Variants in ZNF398 observed in about 807,000 individuals in gnomAD.
ZNF398 encodes the protein zinc finger protein 398, also known as zinc finger DNA binding protein ZER6.
Under a neutral mutation model 41.9 loss-of-function variants are expected in ZNF398, and 18 were observed. That is an observed-to-expected ratio of 0.43 (90% confidence interval 0.30 to 0.64). The LOEUF (loss-of-function observed/expected upper bound fraction) is 0.64, where lower values mean the gene tolerates loss of function less well. Among genes scored for constraint, ZNF398 ranks in the 30% least tolerant of loss-of-function variants. The pLI is 0.14. For synonymous variants in ZNF398, 260 were observed against 308.8 expected (o/e 0.84, Z 1.66); for missense variants, 669 against 822.8 (o/e 0.81, Z 2.29).
At chr7:149,156,375 T>C (rs1794979898) in intron 2 of ZNF398, among the ~76,000 whole-genome samples, 1 of 148,972 alleles carries the variant, frequency 6.7e-6, no homozygotes, top group Non-Finnish European at 1.5e-5. Context: ...AGCGTGGTGG[T>C]GGGCACCTGT....
intron 4 of ZNF398, among the ~76,000 whole-genome samples, chr7:149,172,449 T>C (rs1795366067): frequency 2.0e-5 from 3 of 150,072 alleles, no homozygotes; most frequent in African/African-American, 4.9e-5. Context: ...TACCCCGCGC[T>C]CCCCCCCTTT....
At chr7:149,155,729 TA>T (rs1563159614) in intron 2 of ZNF398, among the ~76,000 whole-genome samples, 2,499 of 72,768 alleles carry the variant, frequency 0.034, 54 homozygotes, top group African/African-American at 0.082. Context: ...TTTTTTTTTT[TA>T]ATTTTTTTTT....
chr7:149,141,741 A>C (rs1326899183), intron 2 of ZNF398, among the ~76,000 whole-genome samples: 3 of 152,064 alleles, frequency 2.0e-5, no homozygotes, highest in Non-Finnish European at 4.4e-5. Context: ...GGCATGAGCC[A>C]CTGTGCCCGG....
intron 2 of ZNF398, 135 bp from the exon 3 acceptor site, chr7:149,166,023 A>T: frequency 9.8e-7 from 1 of 1,024,674 alleles, no homozygotes; most frequent in Non-Finnish European, 1.4e-6. Flanking sequence ...AAAAGAAACC[A>T]TTTCAGAGAT....
chr7:149,137,859 C>T (rs1220833318), intron 2 of ZNF398, among the ~76,000 whole-genome samples: 4 of 152,058 alleles, frequency 2.6e-5, no homozygotes, highest in African/African-American at 7.2e-5. Context: ...ATAAATAAGT[C>T]GGAAGCATCC....
In ZNF398 at chr7:149,154,372, A is replaced by G. The variant is rs754705381; in HGVS notation, c.420+32A>G. On this transcript the variant is annotated intron_variant, in intron 2 of 5. Coordinates refer to ENST00000475153, the MANE Select transcript of ZNF398 (RefSeq NM_170686.3). Reference sequence around the variant, plus strand: ...CCTTCATTTCTAGATGTAAAGTGGTACCACTAGAACTTACATTAGTAGTAG... The same window carrying G: ...CCTTCATTTCTAGATGTAAAGTGGTGCCACTAGAACTTACATTAGTAGTAG... The G allele has an allele frequency of 1.9e-6, 3 of 1,551,410 alleles. No homozygotes were observed. In the South Asian group the frequency reaches 3.7e-5, roughly 19 times the overall value.
At chr7:149,170,212 T>C (rs577965444) in intron 4 of ZNF398, among the ~76,000 whole-genome samples, 1 of 152,300 alleles carries the variant, frequency 6.6e-6, no homozygotes, top group South Asian at 2.1e-4. Flanking sequence ...TTCTGAGAAA[T>C]GCATCATTAG....
chr7:149,179,051 C>T lies in ZNF398; in HGVS notation c.1179C>T (p.Ala393=), dbSNP rs1795532406. The change falls in exon 6 of 6, where the codon GCC becomes GCT. Residue 393 remains alanine (A), a synonymous_variant. Coordinates refer to ENST00000475153, the MANE Select transcript of ZNF398 (RefSeq NM_170686.3). The surrounding 1 kb of genome is among the most constrained non-coding windows in gnomAD (Gnocchi z 6.1). ...TCAGCAGCACCTCCCAGGACCATGC[C>T]AGCGAGACACCCCCCACCTGCCCAC... The part of the protein sequence containing the change: ...ADLSSTSQDH[A]SETPPTCPHC... 2 of 1,613,922 alleles carry T rather than the reference C, an allele frequency of 1.2e-6. No homozygotes were observed.
Position 149,166,845 on chromosome 7 carries a change from A to G in ZNF398, c.576A>G (p.Leu192=). 6.2e-7 allele frequency: 1 copy of G among 1,612,832 alleles called. No individual in the cohort carries two copies. The highest frequency in any genetic ancestry group is 8.5e-7 in the Non-Finnish European group (1 of 1,179,154). ...ATGCTATAAATCAACCTGATGTCTT[A>G]TCTCAGATTCAACCAGAAGGGGAAC... The part of the protein sequence containing the change: ...MDYAINQPDV[L]SQIQPEGEHN... Residue 192 remains leucine (L), a synonymous_variant, in exon 4 of 6, where the codon TTA becomes TTG. Transcript: ENST00000475153.
chr7:149,178,777 A>C lies in ZNF398; in HGVS notation c.905A>C (p.Gln302Pro). The C allele has an allele frequency of 6.2e-7, 1 of 1,614,216 alleles. No individual in the cohort carries two copies. Among genetic ancestry groups the C allele is most frequent in the Non-Finnish European group, 8.5e-7 (1 of 1,180,044 alleles). Residue 302 changes from glutamine (Q) to proline (P), a missense_variant, in exon 6 of 6, where the codon CAG becomes CCG. Around this residue, in one of 3 missense-constraint regions of ZNF398, gnomAD observed 290 missense variants for 292.9 expected, o/e 0.99. Transcript: ENST00000475153. ...AFSDVAFKSQQSTSMTPFGRP... is the reference protein window; with the variant it reads ...AFSDVAFKSQPSTSMTPFGRP... Reference sequence around the variant, plus strand: ...TCAGATGTGGCTTTCAAAAGCCAGCAGTCTACATCCATGACACCTTTTGGA... The same window carrying C: ...TCAGATGTGGCTTTCAAAAGCCAGCCGTCTACATCCATGACACCTTTTGGA...
chr7:149,128,755 A>AAAAATAAAAT lies in ZNF398; in HGVS notation c.-611-52_-611-43dup, dbSNP rs1554459039. 8.6e-4 allele frequency: 97 copies of AAAAATAAAAT among 112,638 alleles called. 1 individual carries two copies. The highest frequency in any genetic ancestry group is 2.4e-3 in the African/African-American group (62 of 26,092). 7.0% of individuals were successfully genotyped at this position (112,638 alleles called of 1,614,324 possible). The stretch of plus-strand genomic sequence containing the variant: ...AAGACAGAGGGAGACTCTGTCTCAA[A>AAAAATAAAAT]AAAATAAAATAAAATAAAATAAAAT... On this transcript the variant is annotated intron_variant, in intron 1 of 6. Coordinates refer to the ZNF398 transcript ENST00000426851.
At chr7:149,128,780 T>TAAAATAAAATAAAATAAAATAAAATATA (rs71192757) in intron 1 of ZNF398, 10 of 143,442 alleles carry the variant, frequency 7.0e-5, no homozygotes, top group Non-Finnish European at 1.2e-4. Context: ...TAAAATAAAA[T>TAAAATAAAATAAAATAAAATAAAATATA]TATATATATA....
intron 2 of ZNF398, among the ~76,000 whole-genome samples, chr7:149,157,319 G>A (rs1252866138): frequency 6.6e-6 from 1 of 151,990 alleles, no homozygotes; most frequent in African/African-American, 2.4e-5. Context: ...CGGATCACGA[G>A]GTCAGGAGAT....
chr7:149,150,307 C>G (rs895466019), intron 1 of ZNF398, among the ~76,000 whole-genome samples: 3 of 152,112 alleles, frequency 2.0e-5, no homozygotes, highest in African/African-American at 7.2e-5. Flanking sequence ...GTTAAAAATA[C>G]AAAATCTCAG....
chr7:149,164,877 C>T lies in ZNF398; in HGVS notation c.421-1281C>T, dbSNP rs974362266. Among the ~76,000 whole-genome samples the T allele has an allele frequency of 4.6e-5, 7 of 152,168 alleles. No homozygotes were observed. The East Asian group carries it at 7.7e-4, about 17-fold the overall frequency. On this transcript the variant is annotated intron_variant, in intron 2 of 5. Coordinates refer to ENST00000475153, the MANE Select transcript of ZNF398 (RefSeq NM_170686.3). The stretch of plus-strand genomic sequence containing the variant: ...TTGGGAGGCTGAGGCAGGTGGATCA[C>T]GAGGTCAGGAACTCGAGACCAGCCT...
upstream of ZNF398, among the ~76,000 whole-genome samples, chr7:149,145,413 C>A (rs959972291): frequency 1.1e-4 from 16 of 152,160 alleles, no homozygotes; most frequent in Non-Finnish European, 1.5e-4. Context: ...TCACAAGGCA[C>A]TAGATACTGA....
intron 2 of ZNF398, among the ~76,000 whole-genome samples, chr7:149,134,086 C>T (rs10226983): frequency 0.048 from 6,384 of 132,658 alleles, 485 homozygotes; most frequent in African/African-American, 0.17. Context: ...TTTTTTGAGA[C>T]GGAGTTTCGC....
At chr7:149,151,297 C>A in intron 1 of ZNF398, 1 of 1,224,360 alleles carries the variant, frequency 8.2e-7, no homozygotes, top group Non-Finnish European at 1.0e-6. Flanking sequence ...GGCAGAAAGA[C>A]ATGAGAGAAG....
intron 1 of ZNF398, chr7:149,148,042 A>AG: frequency 2.8e-6 from 1 of 363,126 alleles, no homozygotes; most frequent in Non-Finnish European, 4.9e-6. Context: ...GTTGAAGTCG[A>AG]GGGGGTGCCT....
Sources: gnomAD v4.1 joint callset for allele counts (sites outside exome capture counted in the v4.1 genomes callset) on GRCh38, gnomAD v4.1.1 for gene constraint, gnomAD v4.1.1 regional missense constraint, Gnocchi (gnomAD v3.1) non-coding constraint, MANE v1.5 for transcripts, NCBI Gene and HGNC (gene_info 2026-07-23, HGNC 2026-07-21) for gene names.